ZNF441: variants seen among roughly 807,000 people sequenced by gnomAD.
The protein encoded by ZNF441 is zinc finger protein 441.
ZNF441 carries 25 observed loss-of-function variants against 64.5 expected under a neutral mutation model. The ratio of observed to expected loss-of-function variants is 0.39; its 90% CI spans 0.28 to 0.54. The LOEUF (loss-of-function observed/expected upper bound fraction) is 0.54, where lower values mean the gene tolerates loss of function less well. Ranked by LOEUF, ZNF441 falls within the 20% of genes least tolerant of loss-of-function variation. The pLI is 0.70. For missense variants in ZNF441, 715 were observed against 843.3 expected (o/e 0.85, Z 1.88); for synonymous variants, 262 against 268.0 (o/e 0.98, Z 0.22).
chr19:11,780,575 C>A lies in ZNF441; in HGVS notation c.751C>A (p.Pro251Thr). 1 of 1,614,158 alleles carries A rather than the reference C, an allele frequency of 6.2e-7. No homozygotes were observed. The highest frequency in any genetic ancestry group is 8.5e-7 in the Non-Finnish European group (1 of 1,180,034). The change falls in exon 4 of 4, where the codon CCC becomes ACC. Residue 251 changes from proline (P) to threonine (T), a missense_variant. Physicochemically the swap from Pro to Thr is conservative, Grantham distance 38. Transcript: ENST00000357901. ...TGAAAGAACACACAGTGGAGAGAAA[C>A]CCTATCAATGTAAACAATGTGGGAA... The part of the protein sequence containing the change: ...RHERTHSGEK[P>T]YQCKQCGKAF...
At chr19:11,768,132 C>T (rs905135913) in intron 1 of ZNF441, among the ~76,000 whole-genome samples, 4 of 152,176 alleles carry the variant, frequency 2.6e-5, no homozygotes, top group Non-Finnish European at 5.9e-5. Flanking sequence ...AAGTCCACCA[C>T]TGTGTTCTCT....
chr19:11,776,719 T>G (rs1568480814), intron 1 of ZNF441, among the ~76,000 whole-genome samples: 2 of 152,234 alleles, frequency 1.3e-5, no homozygotes, highest in Non-Finnish European at 2.9e-5. Flanking sequence ...AGCTTCCAAA[T>G]GTTCTCTCTT....
intron 2 of ZNF441, 24 bp from the exon 3 acceptor site, chr19:11,778,306 C>T (rs918196245): frequency 1.4e-6 from 2 of 1,443,258 alleles, no homozygotes; most frequent in South Asian, 1.3e-5. Flanking sequence ...AATTTATAGT[C>T]ATTTTTCTGG....
At chr19:11,773,099 A>G (rs565567745) in intron 1 of ZNF441, among the ~76,000 whole-genome samples, 5 of 152,068 alleles carry the variant, frequency 3.3e-5, no homozygotes, top group East Asian at 1.9e-4. Flanking sequence ...CCTGCTTTCA[A>G]TTCTTTACAT....
chr19:11,780,415 A>G lies in ZNF441; in HGVS notation c.591A>G (p.Ile197Met), dbSNP rs747871413. 6.8e-6 allele frequency: 11 copies of G among 1,614,122 alleles called. No individual in the cohort carries two copies. Among genetic ancestry groups the G allele is most frequent in the Middle Eastern group, 1.6e-4 (1 of 6,084 alleles). The change falls in exon 4 of 4, where the codon ATA (isoleucine) becomes ATG (methionine). Residue 197 changes from isoleucine to methionine, a missense_variant. Transcript: ENST00000357901. Reference protein sequence around the residue: ...MAAHHGDGPRICKLCGNAFIW... With the variant: ...MAAHHGDGPRMCKLCGNAFIW... The stretch of plus-strand genomic sequence containing the variant: ...CACACCATGGAGATGGACCTCGTAT[A>G]TGTAAGTTGTGTGGAAACGCCTTTA...
intron 1 of ZNF441, among the ~76,000 whole-genome samples, chr19:11,774,214 C>T (rs1673820695): frequency 6.6e-6 from 1 of 152,086 alleles, no homozygotes. Flanking sequence ...TTCTGAATTC[C>T]TCTATTGTAT....
Position 11,784,057 on chromosome 19 carries a change from A to T in ZNF441, c.*2151A>T, listed in dbSNP as rs1253770325. ...AAAATATGTATCAATAAAAGAAAATATATAAGATAGTTTTAAAATAACACT... is the reference window on the plus strand; with the variant it reads ...AAAATATGTATCAATAAAAGAAAATTTATAAGATAGTTTTAAAATAACACT... On this transcript the variant is annotated 3_prime_UTR_variant, in exon 4 of 4. Coordinates refer to ENST00000357901, the MANE Select transcript of ZNF441 (RefSeq NM_152355.3). The T allele has an allele frequency of 6.6e-6, 1 of 152,192 alleles. No individual in the cohort carries two copies. The highest frequency in any genetic ancestry group is 1.5e-5 in the Non-Finnish European group (1 of 68,034). 9.4% of individuals were successfully genotyped at this position (152,192 alleles called of 1,614,324 possible).
At chr19:11,773,222 T>A (rs670240) in intron 1 of ZNF441, among the ~76,000 whole-genome samples, 4 of 151,988 alleles carry the variant, frequency 2.6e-5, no homozygotes, top group South Asian at 4.1e-4. Context: ...GTTGAGAGGC[T>A]TGTCACTTAA....
chr19:11,778,840 T>C (rs567082910), intron 3 of ZNF441, among the ~76,000 whole-genome samples: 127 of 152,272 alleles, frequency 8.3e-4, no homozygotes, highest in African/African-American at 2.9e-3. Context: ...CAAAAACATA[T>C]ACTTAAATGT....
chr19:11,773,583 A>G (rs1039468071), intron 1 of ZNF441, among the ~76,000 whole-genome samples: 3 of 152,078 alleles, frequency 2.0e-5, no homozygotes, highest in African/African-American at 7.2e-5. Flanking sequence ...AGATTTGTGT[A>G]TTTTGTCATG....
At chr19:11,770,886 G>A (rs556484345) in intron 1 of ZNF441, among the ~76,000 whole-genome samples, 125 of 149,540 alleles carry the variant, frequency 8.4e-4, no homozygotes, top group African/African-American at 2.9e-3. Context: ...ACCACGCCTA[G>A]CCTACCACTG....
Position 11,767,050 on chromosome 19 carries a change from C to T in ZNF441, c.-144C>T, listed in dbSNP as rs1190961285. 8 of 1,251,258 alleles carry T rather than the reference C, an allele frequency of 6.4e-6. No homozygotes were observed. The African/African-American group carries it at 1.1e-4, about 17-fold the overall frequency. The allele number at this position is 1,251,258 out of a possible 1,614,324, so 77.5% of individuals were successfully genotyped here. The stretch of plus-strand genomic sequence containing the variant: ...AGGGTGCAAGGTTCAAAGAGCCCGC[C>T]GAGTCTTCTCCACGCCCCTGCACTG... On this transcript the variant is annotated 5_prime_UTR_variant, in exon 1 of 4. Coordinates refer to ENST00000357901, the MANE Select transcript of ZNF441 (RefSeq NM_152355.3). This position sits in a 1 kb window ranked among gnomAD's most constrained non-coding sequence, Gnocchi z 5.1.
chr19:11,779,318 CAAAAAAAAAAA>C (rs67463970), intron 3 of ZNF441, among the ~76,000 whole-genome samples: 30 of 103,452 alleles, frequency 2.9e-4, no homozygotes, highest in Non-Finnish European at 4.5e-4. Context: ...AACCCAGTTT[CAAAAAAAAAAA>C]AAAAAAAAGA....
intron 1 of ZNF441, among the ~76,000 whole-genome samples, chr19:11,777,405 C>G (rs540029363): frequency 2.8e-4 from 42 of 152,290 alleles, no homozygotes; most frequent in African/African-American, 9.9e-4. Flanking sequence ...TGTTCCTATT[C>G]AACTGTTACT....
At chr19:11,779,005 C>T (rs577763280) in intron 3 of ZNF441, among the ~76,000 whole-genome samples, 3 of 152,268 alleles carry the variant, frequency 2.0e-5, no homozygotes, top group African/African-American at 7.2e-5. Context: ...ATGAGACCTA[C>T]ACTTTGCATG....
In ZNF441 at chr19:11,781,246, C is replaced by T; in HGVS notation, c.1422C>T (p.Pro474=). ...AAAAGACTCACACTGGAGAAAAGCCCTATGAATGTAAGCAGTGTGGAAAAG... is the reference window on the plus strand; with the variant it reads ...AAAAGACTCACACTGGAGAAAAGCCTTATGAATGTAAGCAGTGTGGAAAAG... The part of the protein sequence containing the change: ...VHEKTHTGEK[P]YECKQCGKAL... The change falls in exon 4 of 4, where the codon CCC becomes CCT. Residue 474 remains proline (P), a synonymous_variant. Coordinates refer to ENST00000357901, the MANE Select transcript of ZNF441 (RefSeq NM_152355.3). 6.2e-7 allele frequency: 1 copy of T among 1,613,494 alleles called. No homozygotes were observed. The highest frequency in any genetic ancestry group is 1.7e-4 in the Middle Eastern group (1 of 6,056).
At chr19:11,777,425 A>G (rs561868149) in intron 1 of ZNF441, among the ~76,000 whole-genome samples, 186 bp from the exon 2 acceptor site, 5 of 152,346 alleles carry the variant, frequency 3.3e-5, no homozygotes, top group Non-Finnish European at 7.3e-5. Context: ...TTTACAAAAC[A>G]TGTTCATTTC....
At position 11,767,309 on chromosome 19, in the gene ZNF441, C is replaced by T; in HGVS notation, c.3+113C>T. 4 of 1,494,398 alleles carry T rather than the reference C, an allele frequency of 2.7e-6. No homozygotes were observed. The highest frequency in any genetic ancestry group is 3.6e-6 in the Non-Finnish European group (4 of 1,099,380). The allele number at this position is 1,494,398 out of a possible 1,614,324, so 92.6% of individuals were successfully genotyped here. A position where few individuals can be genotyped will look rare whatever the true frequency, so the allele number is the denominator to read the frequency against. On this transcript the variant is annotated intron_variant, in intron 1 of 3. Transcript: ENST00000357901. This position sits in a 1 kb window ranked among gnomAD's most constrained non-coding sequence, Gnocchi z 5.1. ...CCCCGCCGGCGACACCCTGGCGCAG[C>T]TCGGCCCTCGGTTCCCTCGGCCGCA... is the stretch of plus-strand genomic sequence containing the variant.
chr19:11,768,108 G>A (rs1486221604), intron 1 of ZNF441, among the ~76,000 whole-genome samples: 1 of 152,040 alleles, frequency 6.6e-6, no homozygotes, highest in Non-Finnish European at 1.5e-5. Context: ...CAAAGATGTG[G>A]GCAGCAGGGT....
Sources: allele counts gnomAD v4.1 joint callset (sites outside exome capture counted in the v4.1 genomes callset), GRCh38; gene constraint gnomAD v4.1.1; non-coding constraint Gnocchi (gnomAD v3.1); transcripts MANE v1.5; gene names NCBI Gene and HGNC (gene_info 2026-07-23, HGNC 2026-07-21).